Variants in TMEM62 observed in about 807,000 individuals in gnomAD.
The protein encoded by TMEM62 is transmembrane protein 62.
A neutral mutation model predicts 70.4 loss-of-function variants in TMEM62; 41 were observed. The observed-to-expected ratio is 0.58, with a 90% CI of 0.45 to 0.76. The LOEUF is 0.76. Among genes scored for constraint, TMEM62 ranks in the 30% least tolerant of loss-of-function variants. The pLI, the probability that TMEM62 is intolerant of heterozygous loss-of-function variation, is 0.00. For missense variants in TMEM62, 688 were observed against 788.5 expected, an observed-to-expected ratio of 0.87 and a Z score of 1.53; for synonymous variants, 268 against 291.0, an observed-to-expected ratio of 0.92 and a Z score of 0.80.
chr15:43,143,772 A>G (rs541868308), intron 4 of TMEM62, among the ~76,000 whole-genome samples: 2 of 152,294 alleles, frequency 1.3e-5, no homozygotes, highest in South Asian at 2.1e-4. Context: ...TTAGAAACCA[A>G]TTGTCTAGTT....
intron 4 of TMEM62, among the ~76,000 whole-genome samples, chr15:43,139,042 G>T (rs1361355395): frequency 6.6e-6 from 1 of 152,026 alleles, no homozygotes; most frequent in Non-Finnish European, 1.5e-5. Flanking sequence ...TTTTCAAATT[G>T]AGAGTTTGTG....
In TMEM62 at chr15:43,146,568, C is replaced by G. The variant is rs371800120; in HGVS notation, c.552C>G (p.Ile184Met). The G allele has an allele frequency of 2.5e-6, 4 of 1,613,388 alleles. No homozygotes were observed. The highest frequency in any genetic ancestry group is 1.3e-5 in the African/African-American group (1 of 74,920). ...CTCCCTTTGGCAACTATTCGTTCAT[C>G]TGTGTAGATGCCACTGTAAATCCAG... ...HSTPFGNYSF[I>M]CVDATVNPGP... The change falls in exon 5 of 14, where the codon ATC becomes ATG. Residue 184 changes from isoleucine (I) to methionine (M), a missense_variant. Coordinates refer to ENST00000260403, the MANE Select transcript of TMEM62 (RefSeq NM_024956.4).
intron 11 of TMEM62, among the ~76,000 whole-genome samples, chr15:43,174,710 C>A (rs2040551231): frequency 6.6e-6 from 1 of 152,206 alleles, no homozygotes; most frequent in South Asian, 2.1e-4. Context: ...AGAGGAGAGA[C>A]TCCAAACCCA....
chr15:43,165,376 A>C (rs2039272459), intron 10 of TMEM62, among the ~76,000 whole-genome samples: 1 of 151,974 alleles, frequency 6.6e-6, no homozygotes, highest in Non-Finnish European at 1.5e-5. Flanking sequence ...TTGTCAATTT[A>C]ATCTTTCAGC....
intron 10 of TMEM62, among the ~76,000 whole-genome samples, chr15:43,161,129 A>C (rs1181779476): frequency 1.3e-5 from 2 of 152,180 alleles, no homozygotes; most frequent in Non-Finnish European, 2.9e-5. Context: ...TCAGGCATCC[A>C]CTGGGGGGGA....
chr15:43,153,075 T>C (rs1242539181), intron 8 of TMEM62, among the ~76,000 whole-genome samples: 9 of 152,240 alleles, frequency 5.9e-5, no homozygotes, highest in Non-Finnish European at 1.2e-4. Context: ...TTAAGGTTTT[T>C]CTTATTTGTG....
At chr15:43,148,649 A>G in intron 5 of TMEM62, 106 bp from the exon 6 acceptor site, 1 of 1,359,300 alleles carries the variant, frequency 7.4e-7, no homozygotes. Context: ...AGGCCTAGAC[A>G]CATATAATAA....
Position 43,149,161 on chromosome 15 carries a change from C to A in TMEM62, c.866+10C>A. ...GGAAGGATAATAGGAGGTAAGGGAA[C>A]CTCCCCATAGAAGAAAACTTATACA... On this transcript the variant is annotated intron_variant, in intron 7 of 13. Coordinates refer to ENST00000260403, the MANE Select transcript of TMEM62 (RefSeq NM_024956.4). 6.2e-7 allele frequency: 1 copy of A among 1,613,410 alleles called. No individual in the cohort carries two copies. The highest frequency in any genetic ancestry group is 8.5e-7 in the Non-Finnish European group (1 of 1,179,770).
Position 43,133,847 on chromosome 15 carries a change from C to G in TMEM62, c.45C>G (p.Ala15=). ...TCAGGGTGGTCGCGGGGTTGGCGGC[C>G]GCAGCGCTGGTGGCCATGCTCTTGG... ...LALRVVAGLA[A]AALVAMLLEH... Residue 15 remains alanine, a synonymous_variant, in exon 1 of 14, where the codon GCC becomes GCG. Transcript: ENST00000260403. 2 of 1,464,980 alleles carry G rather than the reference C, an allele frequency of 1.4e-6. No individual in the cohort carries two copies. Among genetic ancestry groups the G allele is most frequent in the Non-Finnish European group, 1.8e-6 (2 of 1,116,054 alleles). The allele number at this position is 1,464,980 out of a possible 1,614,324, so 90.7% of individuals were successfully genotyped here.
At chr15:43,169,300 G>T (rs2039943588) in intron 10 of TMEM62, 1 of 263,414 alleles carries the variant, frequency 3.8e-6, no homozygotes, top group Non-Finnish European at 7.1e-6. Flanking sequence ...CTCCAAAAGG[G>T]GCTTGTTATG....
chr15:43,180,685 G>C (rs1470311448), intron 12 of TMEM62: 1 of 152,284 alleles, frequency 6.6e-6, no homozygotes, highest in Non-Finnish European at 1.5e-5. Flanking sequence ...GATATACAAA[G>C]TAATGACTGT....
chr15:43,158,802 T>C (rs1330958192), intron 9 of TMEM62, among the ~76,000 whole-genome samples: 1 of 152,186 alleles, frequency 6.6e-6, no homozygotes, highest in Non-Finnish European at 1.5e-5. Flanking sequence ...GAATAATGAG[T>C]TGGTTCTTTA....
Position 43,149,014 on chromosome 15 carries a change from T to G in TMEM62, c.744-15T>G, listed in dbSNP as rs755705677. 44 of 1,612,874 alleles carry G rather than the reference T, an allele frequency of 2.7e-5. 1 individual carries two copies. The highest frequency in any genetic ancestry group is 3.4e-6 in the Non-Finnish European group (4 of 1,179,484). Reference sequence around the variant, plus strand: ...TATCTTTGTTCATTTATTTCATTTATTTTTCATTGGTTAGTTCGGCTATAG... The same window carrying G: ...TATCTTTGTTCATTTATTTCATTTAGTTTTCATTGGTTAGTTCGGCTATAG... On this transcript the variant is annotated splice_polypyrimidine_tract_variant and intron_variant, in intron 6 of 13. Coordinates refer to ENST00000260403, the MANE Select transcript of TMEM62 (RefSeq NM_024956.4).
At position 43,184,561 on chromosome 15, in the gene TMEM62, A is replaced by C. The variant is rs745944275; in HGVS notation, c.1907A>C (p.Gln636Pro). ...ACCAAGTTTGGAATCTTCATGGTGCAGTTAAAAAGCCACCTGAGCTCCTGA... is the reference window on the plus strand; with the variant it reads ...ACCAAGTTTGGAATCTTCATGGTGCCGTTAAAAAGCCACCTGAGCTCCTGA... ...NSTKFGIFMV[Q>P]LKSHLSS Residue 636 changes from glutamine (Q) to proline (P), a missense_variant, in exon 14 of 14, where the codon CAG becomes CCG. Transcript: ENST00000260403. 6 of 1,611,202 alleles carry C rather than the reference A, an allele frequency of 3.7e-6. No homozygotes were observed. In the South Asian group the frequency reaches 6.6e-5, roughly 18 times the overall value.
At position 43,146,558 on chromosome 15, in the gene TMEM62, A is replaced by G; in HGVS notation, c.542A>G (p.Tyr181Cys). Residue 181 changes from tyrosine (Y) to cysteine (C), a missense_variant, in exon 5 of 14, where the codon TAT (tyrosine) becomes TGT (cysteine). Physicochemically the swap from Tyr to Cys is radical, Grantham distance 194 (BLOSUM62 -2). Transcript: ENST00000260403. ...GTCCACAGTACTCCCTTTGGCAACT[A>G]TTCGTTCATCTGTGTAGATGCCACT... ...HYVHSTPFGN[Y>C]SFICVDATVN... 1 of 1,613,874 alleles carries G rather than the reference A, an allele frequency of 6.2e-7. No individual in the cohort carries two copies. The highest frequency in any genetic ancestry group is 8.5e-7 in the Non-Finnish European group (1 of 1,179,810).
In TMEM62 at chr15:43,178,613, C is replaced by T; in HGVS notation, c.1388C>T (p.Ser463Leu). 11 of 1,603,270 alleles carry T rather than the reference C, an allele frequency of 6.9e-6. No homozygotes were observed. The highest frequency in any genetic ancestry group is 9.4e-6 in the Non-Finnish European group (11 of 1,170,898). ...TCAACTTTATGTTTTTTAGAACCTT[C>T]AGGGTTTATAAATCTGACCTCATTT... ...YRGYPELKEP[S>L]GFINLTSFSL... The change falls in exon 12 of 14, where the codon TCA becomes TTA. Residue 463 changes from serine to leucine, a missense_variant. Coordinates refer to ENST00000260403, the MANE Select transcript of TMEM62 (RefSeq NM_024956.4).
intron 10 of TMEM62, among the ~76,000 whole-genome samples, chr15:43,168,558 T>G (rs905870656): frequency 6.6e-6 from 1 of 152,116 alleles, no homozygotes; most frequent in Non-Finnish European, 1.5e-5. Flanking sequence ...ATCTGCTTGG[T>G]GCTTTATTTT....
intron 13 of TMEM62, among the ~76,000 whole-genome samples, chr15:43,182,733 C>T (rs2041473679): frequency 6.6e-6 from 1 of 152,124 alleles, no homozygotes; most frequent in Admixed American, 6.5e-5. Flanking sequence ...GGATTACAGG[C>T]GTGAGCCACT....
chr15:43,170,519 A>C (rs2040069073), intron 11 of TMEM62, among the ~76,000 whole-genome samples: 1 of 152,256 alleles, frequency 6.6e-6, no homozygotes, highest in Non-Finnish European at 1.5e-5. Context: ...ACAATGCAGA[A>C]AGTTCTGTGG....
Sources: gnomAD v4.1 joint callset for allele counts (sites outside exome capture counted in the v4.1 genomes callset) on GRCh38, gnomAD v4.1.1 for gene constraint, MANE v1.5 for transcripts, NCBI Gene and HGNC (gene_info 2026-07-23, HGNC 2026-07-21) for gene names.